Variants in TCERG1L observed in about 807,000 individuals in gnomAD.
TCERG1L encodes transcription elongation regulator 1-like protein.
Under a neutral mutation model 56.3 loss-of-function variants are expected in TCERG1L, and 37 were observed. The observed-to-expected ratio is 0.66, with a 90% confidence interval of 0.51 to 0.87. The LOEUF is 0.87. Among genes scored for constraint, TCERG1L ranks in the 40% least tolerant of loss-of-function variants. The pLI is 0.00. For missense variants in TCERG1L, 799 were observed against 774.2 expected, an observed-to-expected ratio of 1.03 and a Z score of -0.38; for synonymous variants, 324 against 326.3, an observed-to-expected ratio of 0.99 and a Z score of 0.08.
chr10:131,263,678 T>C (rs181418313), intron 3 of TCERG1L, among the ~76,000 whole-genome samples: 5 of 152,362 alleles, frequency 3.3e-5, no homozygotes, highest in Admixed American at 2.6e-4. Context: ...AACAGGTTCA[T>C]TTCTGTATTT....
chr10:131,274,808 G>A (rs780743172), intron 3 of TCERG1L, among the ~76,000 whole-genome samples: 1 of 152,102 alleles, frequency 6.6e-6, no homozygotes, highest in Non-Finnish European at 1.5e-5. Flanking sequence ...TGGCATCACC[G>A]CTTCGCTTAG....
intron 3 of TCERG1L, among the ~76,000 whole-genome samples, chr10:131,291,425 TTTTTTTTTTTTTTTTTTTTG>T (rs2133573765): frequency 2.2e-5 from 2 of 91,546 alleles, no homozygotes; most frequent in Admixed American, 1.1e-4. Flanking sequence ...TTTTTTTTTT[TTTTTTTTTTTTTTTTTTTTG>T]AGACGGAGTC....
rs746716733 is a variant in TCERG1L, at chr10:131,093,024, C to T, written c.*138G>A. ...ATATGAAACAGTAATCCTCTGAGAA[C>T]GAAGACCCCGCAGTGCCGGTGCCCG... On this transcript the variant is annotated 3_prime_UTR_variant, in exon 12 of 12. Transcript: ENST00000368642. The T allele has an allele frequency of 1.9e-4, 147 of 770,010 alleles. No individual in the cohort carries two copies. Among genetic ancestry groups the T allele is most frequent in the Middle Eastern group, 3.9e-4 (1 of 2,578 alleles). The allele number at this position is 770,010 out of a possible 1,614,324, so 47.7% of individuals were successfully genotyped here.
intron 6 of TCERG1L, among the ~76,000 whole-genome samples, chr10:131,160,456 C>T (rs964423706): frequency 1.2e-4 from 19 of 152,172 alleles, no homozygotes; most frequent in Non-Finnish European, 5.9e-5. Flanking sequence ...CTACACCCCG[C>T]CACTCCCTCT....
intron 4 of TCERG1L, among the ~76,000 whole-genome samples, chr10:131,201,578 A>G (rs1253414264): frequency 6.6e-6 from 1 of 152,252 alleles, no homozygotes; most frequent in Non-Finnish European, 1.5e-5. Flanking sequence ...CTTAATAAGC[A>G]TGATTTAAAT....
chr10:131,134,117 G>A (rs1198397944), intron 8 of TCERG1L, among the ~76,000 whole-genome samples: 2 of 152,114 alleles, frequency 1.3e-5, no homozygotes, highest in Non-Finnish European at 2.9e-5. Flanking sequence ...AACACAGCAG[G>A]GCTGAGCATG....
intron 7 of TCERG1L, among the ~76,000 whole-genome samples, chr10:131,137,680 CAT>C (rs1845691229): frequency 6.6e-6 from 1 of 152,178 alleles, no homozygotes; most frequent in South Asian, 2.1e-4. Flanking sequence ...ATTTAAAGTA[CAT>C]GTGTATAATA....
intron 4 of TCERG1L, among the ~76,000 whole-genome samples, chr10:131,201,598 TA>T (rs1218216145): frequency 1.7e-4 from 26 of 152,178 alleles, no homozygotes; most frequent in African/African-American, 2.4e-5. Flanking sequence ...TGGCTGCAAA[TA>T]AAAAAATATA....
intron 4 of TCERG1L, among the ~76,000 whole-genome samples, chr10:131,254,670 T>C (rs1846149482): frequency 6.6e-6 from 1 of 151,862 alleles, no homozygotes; most frequent in Non-Finnish European, 1.5e-5. Flanking sequence ...TCGGTGTGGG[T>C]TGGGAGGAGG....
chr10:131,202,146 A>C (rs1296803402), intron 4 of TCERG1L, among the ~76,000 whole-genome samples: 1 of 152,200 alleles, frequency 6.6e-6, no homozygotes, highest in Admixed American at 6.5e-5. Flanking sequence ...GCTGCACGTG[A>C]GCCTCCCGAC....
intron 8 of TCERG1L, among the ~76,000 whole-genome samples, chr10:131,119,206 T>C (rs1446029467): frequency 6.6e-6 from 1 of 152,128 alleles, no homozygotes; most frequent in Non-Finnish European, 1.5e-5. Flanking sequence ...AGTACCATGT[T>C]TAGGATGTAC....
At chr10:131,101,568 T>TGCCACACAC (rs549550356) in intron 10 of TCERG1L, among the ~76,000 whole-genome samples, 1 of 152,186 alleles carries the variant, frequency 6.6e-6, no homozygotes, top group Non-Finnish European at 1.5e-5. Flanking sequence ...ACAGCACACA[T>TGCCACACAC]GCCACACACG....
chr10:131,185,117 G>A (rs7913469), intron 4 of TCERG1L, among the ~76,000 whole-genome samples: 32,945 of 151,590 alleles, frequency 0.22, 3,847 homozygotes, highest in East Asian at 0.43. Flanking sequence ...ACATATAGAT[G>A]TACATATAGA....
chr10:131,170,587 A>G lies in TCERG1L; in HGVS notation c.857-3702T>C, dbSNP rs572487755. On this transcript the variant is annotated intron_variant, in intron 4 of 11. Transcript: ENST00000368642. ...TGATGAGAGACAAAGAGAACTGAGA[A>G]GGTCGCATGAAGTCTGGAAGGAAGC... Among the ~76,000 whole-genome samples, 15 of 152,290 alleles carry G rather than the reference A, an allele frequency of 9.8e-5. No individual in the cohort carries two copies. The East Asian group carries it at 2.7e-3, about 27-fold the overall frequency.
intron 6 of TCERG1L, among the ~76,000 whole-genome samples, chr10:131,159,058 C>A (rs1430639509): frequency 6.6e-6 from 1 of 152,240 alleles, no homozygotes; most frequent in African/African-American, 2.4e-5. Context: ...CAAGACCTTT[C>A]CCTGCTTTAC....
At chr10:131,298,465 G>A (rs1205473745) in intron 3 of TCERG1L, among the ~76,000 whole-genome samples, 1 of 152,072 alleles carries the variant, frequency 6.6e-6, no homozygotes, top group Non-Finnish European at 1.5e-5. Context: ...CCAGGCTGGA[G>A]TACAGTGGCA....
intron 6 of TCERG1L, among the ~76,000 whole-genome samples, chr10:131,153,001 T>C (rs1015327742): frequency 7.2e-5 from 11 of 152,116 alleles, no homozygotes; most frequent in Non-Finnish European, 1.2e-4. Context: ...ATGGGGATTA[T>C]GGGGATTACA....
intron 4 of TCERG1L, among the ~76,000 whole-genome samples, chr10:131,224,291 G>A (rs529603496): frequency 2.0e-5 from 3 of 152,184 alleles, no homozygotes; most frequent in Admixed American, 1.3e-4. Flanking sequence ...CCCTGAGGTC[G>A]CTGCACGTCC....
At chr10:131,100,553 C>T (rs1276038577) in intron 10 of TCERG1L, among the ~76,000 whole-genome samples, 1 of 152,238 alleles carries the variant, frequency 6.6e-6, no homozygotes, top group Admixed American at 6.5e-5. Context: ...AGAGATTCCA[C>T]TGGCTGTTAT....
Sources: gnomAD v4.1 joint callset for allele counts (sites outside exome capture counted in the v4.1 genomes callset) on GRCh38, gnomAD v4.1.1 for gene constraint, MANE v1.5 for transcripts, NCBI Gene and HGNC (gene_info 2026-07-23, HGNC 2026-07-21) for gene names.